Variants in C22orf39 observed in about 807,000 individuals in gnomAD.
C22orf39 encodes chromosome 22 open reading frame 39.
A neutral mutation model predicts 18.3 loss-of-function variants in C22orf39; 20 were observed. The observed-to-expected ratio is 1.09, with a 90% CI of 0.77 to 1.59. The LOEUF is 1.59. Among genes scored for constraint, C22orf39 ranks in the 40% most tolerant of loss-of-function variants. C22orf39 has a pLI of 0.00. For missense variants in C22orf39, 195 were observed against 156.1 expected (o/e 1.25, Z -1.33); for synonymous variants, 63 against 59.6 (o/e 1.06, Z -0.26).
Position 19,441,138 on chromosome 22 carries a change from T to C in C22orf39, c.*3127A>G, listed in dbSNP as rs1171940211. On this transcript the variant is annotated 3_prime_UTR_variant, in exon 3 of 3. Transcript: ENST00000399562. ...TTTTAACTTCATGTATAGCCCTGTG[T>C]AACCACCAGTCAGGCTGACAGATGG... is the stretch of plus-strand genomic sequence containing the variant. The C allele has an allele frequency of 6.4e-6, 1 of 156,870 alleles. No homozygotes were observed. Among genetic ancestry groups the C allele is most frequent in the Admixed American group, 6.3e-5 (1 of 15,870 alleles). 9.7% of individuals were successfully genotyped at this position (156,870 alleles called of 1,614,324 possible).
chr22:19,443,975 C>T lies in C22orf39; in HGVS notation c.*290G>A. Reference sequence around the variant, plus strand: ...GACCTCAGGACCGCCATCTCCTATGCTACCATGCCCAGCCTGACCTGGCTG... The same window carrying T: ...GACCTCAGGACCGCCATCTCCTATGTTACCATGCCCAGCCTGACCTGGCTG... On this transcript the variant is annotated 3_prime_UTR_variant, in exon 3 of 3. Transcript: ENST00000399562. The T allele has an allele frequency of 8.7e-7, 1 of 1,155,806 alleles. No homozygotes were observed. The highest frequency in any genetic ancestry group is 1.1e-6 in the Non-Finnish European group (1 of 939,142). The allele number at this position is 1,155,806 out of a possible 1,614,324, so 71.6% of individuals were successfully genotyped here.
chr22:19,444,253 C>G lies in C22orf39; in HGVS notation c.*12G>C, dbSNP rs2089628459. ...CTGAGGAAGCTGCACAGGCCAATGGCAGGGATGCTTGTCACTCGTCCTTCT... is the reference window on the plus strand; with the variant it reads ...CTGAGGAAGCTGCACAGGCCAATGGGAGGGATGCTTGTCACTCGTCCTTCT... On this transcript the variant is annotated 3_prime_UTR_variant, in exon 3 of 3. Transcript: ENST00000399562. The G allele has an allele frequency of 6.3e-7, 1 of 1,576,126 alleles. No individual in the cohort carries two copies. The highest frequency in any genetic ancestry group is 8.6e-7 in the Non-Finnish European group (1 of 1,165,622).
rs754962977 is a variant in C22orf39 at position 19,447,521 on chromosome 22, G to C, written c.49C>G (p.Arg17Gly). The C allele has an allele frequency of 1.7e-5, 25 of 1,479,108 alleles. No homozygotes were observed. The highest frequency in any genetic ancestry group is 2.1e-5 in the Non-Finnish European group (23 of 1,119,776). The allele number at this position is 1,479,108 out of a possible 1,614,324, so 91.6% of individuals were successfully genotyped here. Residue 17 changes from arginine to glycine, a missense_variant, in exon 2 of 3, where the codon CGC (arginine) becomes GGC (glycine). Coordinates refer to ENST00000399562, the MANE Select transcript of C22orf39 (RefSeq NM_173793.5). The part of the protein sequence containing the change: ...WQPPRPCEAY[R>G]AEWKLCRSAR... ...CTGCGGCAGAGCTTCCACTCGGCGC[G>C]GTAGGCCTCGCAGGGGCGCGGCGGC...
rs777324071 is a variant in C22orf39, at chr22:19,447,539, G to A, written c.31C>T (p.Arg11Cys). MADGSGWQPP[R>C]PCEAYRAEWK... is the part of the protein sequence containing the mutation. The stretch of plus-strand genomic sequence containing the variant: ...TCGGCGCGGTAGGCCTCGCAGGGGC[G>A]CGGCGGCTGCGGCGAGAGGCGGCGC... The change falls in exon 2 of 3, where the codon CGC becomes TGC. Residue 11 changes from arginine to cysteine, a missense_variant. Physicochemically the swap from Arg to Cys is radical, Grantham distance 180. Transcript: ENST00000399562. 16 of 1,430,398 alleles carry A rather than the reference G, an allele frequency of 1.1e-5. No homozygotes were observed. Among genetic ancestry groups the A allele is most frequent in the Middle Eastern group, 2.4e-4 (1 of 4,234 alleles). The allele number at this position is 1,430,398 out of a possible 1,614,324, so 88.6% of individuals were successfully genotyped here.
intron 2 of C22orf39, among the ~76,000 whole-genome samples, chr22:19,446,440 T>G (rs2146278135): frequency 6.6e-6 from 1 of 152,266 alleles, no homozygotes; most frequent in Middle Eastern, 3.4e-3. Context: ...TCCTTGGCAC[T>G]CCCCATGAGC....
chr22:19,447,477 G>A lies in C22orf39; in HGVS notation c.93C>T (p.His31=), dbSNP rs553030924. The A allele has an allele frequency of 2.1e-4, 315 of 1,512,230 alleles. 1 individual carries two copies. The East Asian group carries it at 6.5e-3, about 31-fold the overall frequency. 93.7% of individuals were successfully genotyped at this position (1,512,230 alleles called of 1,614,324 possible). The change falls in exon 2 of 3, where the codon CAC becomes CAT. Residue 31 remains histidine (H), a synonymous_variant. Transcript: ENST00000399562. ...KLCRSARHFL[H]HYYVHGERPA... is the part of the protein sequence containing the mutation. Reference sequence around the variant, plus strand: ...GCCGCTCGCCGTGGACGTAGTAGTGGTGTAGGAAGTGCCTGGCGCTGCGGC... The same window carrying A: ...GCCGCTCGCCGTGGACGTAGTAGTGATGTAGGAAGTGCCTGGCGCTGCGGC...
chr22:19,447,664 C>G lies in C22orf39; in HGVS notation c.24+1G>C. On this transcript the variant is annotated splice_donor_variant, in intron 1 of 2. Coordinates refer to ENST00000399562, the MANE Select transcript of C22orf39 (RefSeq NM_173793.5). LOFTEE classifies it high-confidence loss of function. ...TCCCGGCTCCGACCCAGCACACTCA[C>G]CTGCCAGCCGCTGCCGTCCGCCATG... 6.2e-7 allele frequency: 1 copy of G among 1,610,978 alleles called. No individual in the cohort carries two copies. The highest frequency in any genetic ancestry group is 2.2e-5 in the East Asian group (1 of 44,788).
rs780790474 is a variant in C22orf39 at position 19,444,367 on chromosome 22, C to T, written c.216G>A (p.Arg72=). 9 of 1,601,482 alleles carry T rather than the reference C, an allele frequency of 5.6e-6. No homozygotes were observed. The Admixed American group carries it at 6.8e-5, about 12-fold the overall frequency. Residue 72 remains arginine (R), a synonymous_variant, in exon 3 of 3, where the codon CGG becomes CGA. Coordinates refer to ENST00000399562, the MANE Select transcript of C22orf39 (RefSeq NM_173793.5). ...EAQQSLCESE[R]ARVRAARKHI... ...GCTTCCGTGCAGCCCGGACTCGTGC[C>T]CGCTCGCTCTCACAGAGGGATTGCT...
rs1450147986 is a variant in C22orf39, at chr22:19,441,653, C to CA, written c.*2611dup. 6.9e-7 allele frequency: 1 copy of CA among 1,441,808 alleles called. No individual in the cohort carries two copies. The highest frequency in any genetic ancestry group is 9.5e-7 in the Non-Finnish European group (1 of 1,049,506). The allele number at this position is 1,441,808 out of a possible 1,614,324, so 89.3% of individuals were successfully genotyped here. A position where few individuals can be genotyped will look rare whatever the true frequency, so the allele number is the denominator to read the frequency against. On this transcript the variant is annotated 3_prime_UTR_variant, in exon 3 of 3. Transcript: ENST00000399562. ...AAGTGATTCTTCTGCCTCAGCCTCC[C>CA]AAGTAGCTGAGATTACAGGTGTGAG... is the stretch of plus-strand genomic sequence containing the variant.
At chr22:19,446,718 C>T (rs2089641866) in intron 2 of C22orf39, among the ~76,000 whole-genome samples, 1 of 151,866 alleles carries the variant, frequency 6.6e-6, no homozygotes. Flanking sequence ...TTTTTTTCCC[C>T]CCTGAGACAG....
Position 19,447,495 on chromosome 22 carries a change from G to C in C22orf39, c.75C>G (p.Ser25Arg). The change falls in exon 2 of 3, where the codon AGC becomes AGG. Residue 25 changes from serine to arginine, a missense_variant. Physicochemically the swap from Ser to Arg is moderately radical, Grantham distance 110. Transcript: ENST00000399562. ...AGTAGTGGTGTAGGAAGTGCCTGGC[G>C]CTGCGGCAGAGCTTCCACTCGGCGC... is the stretch of plus-strand genomic sequence containing the variant. ...AYRAEWKLCR[S>R]ARHFLHHYYV... 3 of 1,498,142 alleles carry C rather than the reference G, an allele frequency of 2.0e-6. No individual in the cohort carries two copies. The highest frequency in any genetic ancestry group is 2.7e-6 in the Non-Finnish European group (3 of 1,130,754). The allele number at this position is 1,498,142 out of a possible 1,614,324, so 92.8% of individuals were successfully genotyped here. A position where few individuals can be genotyped will look rare whatever the true frequency, so the allele number is the denominator to read the frequency against.
At position 19,441,107 on chromosome 22, in the gene C22orf39, A is replaced by G. The variant is rs1020021772; in HGVS notation, c.*3158T>C. On this transcript the variant is annotated 3_prime_UTR_variant, in exon 3 of 3. Coordinates refer to ENST00000399562, the MANE Select transcript of C22orf39 (RefSeq NM_173793.5). ...TGTACTCCTTTGTGTACCTAACTCT[A>G]CACAATTTTAACTTCATGTATAGCC... 5 of 154,132 alleles carry G rather than the reference A, an allele frequency of 3.2e-5. No individual in the cohort carries two copies. The highest frequency in any genetic ancestry group is 1.2e-4 in the African/African-American group (5 of 41,416). 9.5% of individuals were successfully genotyped at this position (154,132 alleles called of 1,614,324 possible).
At position 19,443,310 on chromosome 22, in the gene C22orf39, G is replaced by A; in HGVS notation, c.*955C>T. On this transcript the variant is annotated 3_prime_UTR_variant, in exon 3 of 3. Coordinates refer to ENST00000399562, the MANE Select transcript of C22orf39 (RefSeq NM_173793.5). ...CCTAGCCCTCAGCATCACACAACAG[G>A]GCCACCATAGGATGAGAAACCATTC... 5.1e-6 allele frequency: 5 copies of A among 985,434 alleles called. No homozygotes were observed. The highest frequency in any genetic ancestry group is 6.0e-6 in the Non-Finnish European group (5 of 829,922). The allele number at this position is 985,434 out of a possible 1,614,324, so 61.0% of individuals were successfully genotyped here. A position where few individuals can be genotyped will look rare whatever the true frequency, so the allele number is the denominator to read the frequency against.
Position 19,444,267 on chromosome 22 carries a change from A to T in C22orf39, c.316T>A (p.Ter106ArgextTer36). 6.3e-7 allele frequency: 1 copy of T among 1,580,806 alleles called. No homozygotes were observed. The change falls in exon 3 of 3, where the codon TGA becomes AGA. Residue 106 changes from the stop codon to arginine, a stop_lost. Transcript: ENST00000399562. ...CAGGCCAATGGCAGGGATGCTTGTC[A>T]CTCGTCCTTCTCCTGTGGCAGAGGG... ...HLPLPQEKDE[*>R]
At position 19,444,822 on chromosome 22, in the gene C22orf39, C is replaced by T. The variant is rs73877066; in HGVS notation, c.193-432G>A. Among the ~76,000 whole-genome samples, 532 of 152,056 alleles carry T rather than the reference C, an allele frequency of 3.5e-3. 7 individuals are homozygous for T. The highest frequency in any genetic ancestry group is 0.012 in the African/African-American group (500 of 41,448). The stretch of plus-strand genomic sequence containing the variant: ...GTGTGTTAGGGAGAAGGGAGGAAGA[C>T]GGGGAAGAAATACATGTCCTGGGTA... On this transcript the variant is annotated intron_variant, in intron 2 of 2. Transcript: ENST00000399562.
At chr22:19,446,475 T>C (rs1377871983) in intron 2 of C22orf39, among the ~76,000 whole-genome samples, 1 of 152,140 alleles carries the variant, frequency 6.6e-6, no homozygotes, top group Non-Finnish European at 1.5e-5. Context: ...CTGGCTTCTC[T>C]CCATCTCCTC....
Position 19,447,550 on chromosome 22 carries a change from G to C in C22orf39, c.25-5C>G. 1 of 1,417,936 alleles carries C rather than the reference G, an allele frequency of 7.1e-7. No individual in the cohort carries two copies. The highest frequency in any genetic ancestry group is 9.2e-7 in the Non-Finnish European group (1 of 1,091,424). The allele number at this position is 1,417,936 out of a possible 1,614,324, so 87.8% of individuals were successfully genotyped here. On this transcript the variant is annotated splice_polypyrimidine_tract_variant and splice_region_variant and intron_variant, in intron 1 of 2. Transcript: ENST00000399562. ...GGCCTCGCAGGGGCGCGGCGGCTGC[G>C]GCGAGAGGCGGCGCCTGAGCGGGGC...
At chr22:19,447,270 G>T in intron 2 of C22orf39, 108 bp downstream of exon 2, 1 of 1,173,310 alleles carries the variant, frequency 8.5e-7, no homozygotes, top group Non-Finnish European at 1.1e-6. Flanking sequence ...GGAGGATAGG[G>T]ACCCCGTCAG....
At chr22:19,444,721 G>C (rs1053920993) in intron 2 of C22orf39, among the ~76,000 whole-genome samples, 2 of 152,218 alleles carry the variant, frequency 1.3e-5, no homozygotes, top group African/African-American at 2.4e-5. Context: ...TTCACCTGCT[G>C]AGAGTGAGCC....
Sources: allele counts gnomAD v4.1 joint callset (sites outside exome capture counted in the v4.1 genomes callset), GRCh38; gene constraint gnomAD v4.1.1; transcripts MANE v1.5; gene names NCBI Gene and HGNC (gene_info 2026-07-23, HGNC 2026-07-21).